The following SMYD2 variants were observed in gnomAD, a reference collection of about 807,000 sequenced individuals.
SMYD2 encodes SET and MYND domain containing 2, also known as N-lysine methyltransferase SMYD2.
Under a neutral mutation model 59.1 loss-of-function variants are expected in SMYD2, and 53 were observed. The ratio of observed to expected loss-of-function variants is 0.90; its 90% CI spans 0.72 to 1.13. The LOEUF (loss-of-function observed/expected upper bound fraction) is 1.13. Ranked by LOEUF, SMYD2 falls within the 50% of genes most tolerant of loss-of-function variation. The probability of loss-of-function intolerance (pLI) is 0.00; values close to 1 mark genes in which losing one functional copy is unlikely to be tolerated. For missense variants in SMYD2, 494 were observed against 544.7 expected (o/e 0.91, Z 0.93); for synonymous variants, 208 against 198.8 (o/e 1.05, Z -0.39).
At chr1:214,282,377 TC>T (rs955913734) in intron 1 of SMYD2, among the ~76,000 whole-genome samples, 1 of 152,238 alleles carries the variant, frequency 6.6e-6, no homozygotes, top group African/African-American at 2.4e-5. Context: ...TGCCTATTTC[TC>T]ACTGGTTAGG....
chr1:214,299,369 A>G (rs768636777), intron 1 of SMYD2, among the ~76,000 whole-genome samples: 9 of 152,198 alleles, frequency 5.9e-5, no homozygotes, highest in Middle Eastern at 6.8e-3. Flanking sequence ...CTGAAAAGAC[A>G]CATGCACTCA....
chr1:214,305,087 C>G, intron 1 of SMYD2, 100 bp from the exon 2 acceptor site: 5 of 1,103,290 alleles, frequency 4.5e-6, no homozygotes, highest in South Asian at 1.3e-5. Context: ...TGAACCTTGG[C>G]TCTGCTTTCC....
intron 5 of SMYD2, 26 bp from the exon 6 acceptor site, chr1:214,324,615 T>C (rs1657232849): frequency 6.3e-7 from 1 of 1,585,834 alleles, no homozygotes; most frequent in East Asian, 2.2e-5. Flanking sequence ...CTCATTTTTT[T>C]CCTTTCTCCC....
chr1:214,333,007 A>G (rs892695466), intron 10 of SMYD2: 1 of 152,226 alleles, frequency 6.6e-6, no homozygotes, highest in African/African-American at 2.4e-5. Context: ...AGAAGCCCTC[A>G]GTCTCCTTCC....
intron 2 of SMYD2, among the ~76,000 whole-genome samples, chr1:214,310,634 T>TA (rs1464897976): frequency 6.6e-6 from 1 of 151,914 alleles, no homozygotes; most frequent in Non-Finnish European, 1.5e-5. Context: ...TTGATAACAT[T>TA]TAAAAAAGCA....
chr1:214,331,981 CT>C, intron 9 of SMYD2, 36 bp from the exon 10 acceptor site: 1 of 1,593,560 alleles, frequency 6.3e-7, no homozygotes, highest in Non-Finnish European at 8.5e-7. Context: ...CTCCAGGCAG[CT>C]TGGGCCCGGT....
At chr1:214,325,545 C>T (rs1657246357) in intron 6 of SMYD2, among the ~76,000 whole-genome samples, 1 of 152,188 alleles carries the variant, frequency 6.6e-6, no homozygotes. Context: ...CCTTAATACT[C>T]ATGCATTTGC....
intron 2 of SMYD2, 89 bp from the exon 3 acceptor site, chr1:214,314,673 A>G: frequency 1.1e-6 from 1 of 913,026 alleles, no homozygotes; most frequent in Non-Finnish European, 1.7e-6. Context: ...ACTTGACCTT[A>G]ACTAGGGGGA....
intron 1 of SMYD2, among the ~76,000 whole-genome samples, chr1:214,295,258 G>A (rs1228870910): frequency 1.3e-5 from 2 of 152,136 alleles, no homozygotes; most frequent in African/African-American, 2.4e-5. Flanking sequence ...TTCTTTGGAC[G>A]AGCTTTAACT....
At chr1:214,320,748 G>C (rs970678340) in intron 5 of SMYD2, among the ~76,000 whole-genome samples, 1 of 152,184 alleles carries the variant, frequency 6.6e-6, no homozygotes, top group Non-Finnish European at 1.5e-5. Context: ...TCAGTTATGT[G>C]ACTGTCATAA....
Position 214,318,233 on chromosome 1 carries a change from C to A in SMYD2, c.409+94C>A. On this transcript the variant is annotated intron_variant, in intron 4 of 11. Coordinates refer to ENST00000366957, the MANE Select transcript of SMYD2 (RefSeq NM_020197.3). This position sits in a 1 kb window ranked among gnomAD's most constrained non-coding sequence, Gnocchi z 5.4. ...AAGCGAGGACGGGCTAGTTTGTGCT[C>A]AGAGGAGTAGTGATTTCTTTGATTA... 1 of 1,169,854 alleles carries A rather than the reference C, an allele frequency of 8.5e-7. No individual in the cohort carries two copies. Among genetic ancestry groups the A allele is most frequent in the Non-Finnish European group, 1.2e-6 (1 of 808,176 alleles). 72.5% of individuals were successfully genotyped at this position (1,169,854 alleles called of 1,614,324 possible). A position where few individuals can be genotyped will look rare whatever the true frequency, so the allele number is the denominator to read the frequency against.
At chr1:214,294,217 C>T (rs1264194331) in intron 1 of SMYD2, among the ~76,000 whole-genome samples, 3 of 152,242 alleles carry the variant, frequency 2.0e-5, no homozygotes, top group South Asian at 2.1e-4. Flanking sequence ...AAACGGTATC[C>T]GATCAGTTTA....
chr1:214,334,458 C>A, intron 11 of SMYD2, 150 bp downstream of exon 11: 1 of 695,104 alleles, frequency 1.4e-6, no homozygotes, highest in Non-Finnish European at 2.5e-6. Context: ...GGGGGTGGGT[C>A]CTGCAGGTGA....
At chr1:214,316,869 A>G (rs1435673017) in intron 3 of SMYD2, among the ~76,000 whole-genome samples, 2 of 152,164 alleles carry the variant, frequency 1.3e-5, no homozygotes, top group East Asian at 3.9e-4. Flanking sequence ...ATTTATGCAG[A>G]GTATTTGGGC....
At position 214,319,058 on chromosome 1, in the gene SMYD2, G is replaced by A. The variant is rs1657130370; in HGVS notation, c.534+75G>A. On this transcript the variant is annotated intron_variant, in intron 5 of 11. Transcript: ENST00000366957. Reference sequence around the variant, plus strand: ...AGGCCCTCTCCCTAGCAAGCACTCAGTGAAGATGAATGCAAATAGAATGAT... The same window carrying A: ...AGGCCCTCTCCCTAGCAAGCACTCAATGAAGATGAATGCAAATAGAATGAT... The A allele has an allele frequency of 2.0e-5, 31 of 1,538,850 alleles. No homozygotes were observed. In the South Asian group the frequency reaches 3.6e-4, roughly 18 times the overall value.
intron 10 of SMYD2, chr1:214,332,467 G>C (rs1256769369): frequency 3.6e-6 from 1 of 281,652 alleles, no homozygotes; most frequent in African/African-American, 2.2e-5. Context: ...AGTTAACTCA[G>C]GCTAGTTTTG....
At chr1:214,336,644 G>A in intron 11 of SMYD2, 60 bp from the exon 12 acceptor site, 2 of 1,506,760 alleles carry the variant, frequency 1.3e-6, no homozygotes, top group Non-Finnish European at 9.2e-7. Context: ...AAGTTACCCT[G>A]GGTGGAGGTG....
At chr1:214,292,538 C>G (rs1188903169) in intron 1 of SMYD2, among the ~76,000 whole-genome samples, 1 of 152,168 alleles carries the variant, frequency 6.6e-6, no homozygotes, top group East Asian at 1.9e-4. Context: ...CAGCGTTTAG[C>G]AAGAAGACTA....
At chr1:214,328,949 G>T (rs1657306252) in intron 7 of SMYD2, among the ~76,000 whole-genome samples, 1 of 152,224 alleles carries the variant, frequency 6.6e-6, no homozygotes, top group Non-Finnish European at 1.5e-5. Flanking sequence ...AGATGAGCAG[G>T]TTGTCACCTA....
Sources: allele counts gnomAD v4.1 joint callset (sites outside exome capture counted in the v4.1 genomes callset), GRCh38; gene constraint gnomAD v4.1.1; non-coding constraint Gnocchi (gnomAD v3.1); transcripts MANE v1.5; gene names NCBI Gene and HGNC (gene_info 2026-07-23, HGNC 2026-07-21).